FAAH2: variants seen among roughly 807,000 people sequenced by gnomAD.
The protein encoded by FAAH2 is fatty-acid amide hydrolase 2.
Under a neutral mutation model 36.9 loss-of-function variants are expected in FAAH2, and 60 were observed. The observed-to-expected ratio is 1.63, with a 90% CI of 1.32 to 2.02. The LOEUF is 2.02. FAAH2 is among the 30% of genes most tolerant of loss of function. The pLI, the probability that FAAH2 is intolerant of heterozygous loss-of-function variation, is 0.00. For missense variants in FAAH2, 689 were observed against 397.5 expected (o/e 1.73, Z -6.23); for synonymous variants, 214 against 143.8 (o/e 1.49, Z -3.49).
the FAAH2 span, among the ~76,000 whole-genome samples, chrX:57,278,545 A>G: frequency 2.7e-5 from 3 of 111,681 alleles, no homozygotes; most frequent in African/African-American, 9.8e-5. Flanking sequence ...CTAAAACACC[A>G]AAAGCAATGG....
At chrX:57,418,837 A>C (rs1260319906) in intron 7 of FAAH2, among the ~76,000 whole-genome samples, 1 of 106,274 alleles carries the variant, frequency 9.4e-6, no homozygotes, top group Non-Finnish European at 1.9e-5. Flanking sequence ...GTCATTTAGC[A>C]TTAGGTATAT....
chrX:57,320,467 A>T (rs2052987302), intron 3 of FAAH2, among the ~76,000 whole-genome samples: 1 of 112,601 alleles, frequency 8.9e-6, no homozygotes, highest in African/African-American at 3.2e-5. Context: ...AACCACAATG[A>T]GATACCATCA....
chrX:57,248,468 T>C, the FAAH2 span, among the ~76,000 whole-genome samples: 1 of 111,380 alleles, frequency 9.0e-6, no homozygotes, highest in Non-Finnish European at 1.9e-5. Flanking sequence ...AATCTAATAA[T>C]GTGGGCCAGG....
chrX:57,248,682 G>A, the FAAH2 span, among the ~76,000 whole-genome samples: 9 of 103,151 alleles, frequency 8.7e-5, no homozygotes, highest in Admixed American at 5.3e-4. Flanking sequence ...GAACCCGGGA[G>A]GCGGAGTTTA....
the FAAH2 span, among the ~76,000 whole-genome samples, chrX:57,272,620 G>T: frequency 1.8e-5 from 2 of 111,917 alleles, no homozygotes; most frequent in African/African-American, 6.5e-5. Context: ...TCAAAGAAAA[G>T]AATTTTCAAA....
chrX:57,394,115 C>A, intron 7 of FAAH2: 1 of 721,580 alleles, frequency 1.4e-6, no homozygotes, highest in Non-Finnish European at 2.2e-6. Flanking sequence ...ATGGATGTCA[C>A]CTGTGAGGTG....
At chrX:57,166,268 G>A in the FAAH2 span, among the ~76,000 whole-genome samples, 1 of 111,284 alleles carries the variant, frequency 9.0e-6, no homozygotes, top group African/African-American at 3.3e-5. Context: ...AAGCCCATGT[G>A]GGATCCGATT....
the FAAH2 span, among the ~76,000 whole-genome samples, chrX:57,245,668 T>C: frequency 8.9e-6 from 1 of 112,297 alleles, no homozygotes; most frequent in African/African-American, 3.2e-5. Flanking sequence ...AATAAGTTAT[T>C]TGAAACCAAT....
At chrX:57,402,274 T>C (rs1200386995) in intron 7 of FAAH2, among the ~76,000 whole-genome samples, 3 of 111,970 alleles carry the variant, frequency 2.7e-5, no homozygotes, top group African/African-American at 9.7e-5. Flanking sequence ...GGGGGCAGCT[T>C]ATTTCTACTC....
chrX:57,155,760 T>C, the FAAH2 span, among the ~76,000 whole-genome samples: 2 of 112,170 alleles, frequency 1.8e-5, no homozygotes, highest in African/African-American at 6.5e-5. Context: ...CTGTGATCTT[T>C]TCCCAGTTCC....
chrX:57,398,753 C>T (rs1484308523), intron 7 of FAAH2, among the ~76,000 whole-genome samples: 2 of 111,396 alleles, frequency 1.8e-5, no homozygotes, highest in Non-Finnish European at 3.8e-5. Flanking sequence ...TTAGTGAGCT[C>T]TCTTTACTAG....
At chrX:57,269,712 GAC>G in the FAAH2 span, among the ~76,000 whole-genome samples, 1 of 111,714 alleles carries the variant, frequency 9.0e-6, no homozygotes, top group Admixed American at 9.5e-5. Flanking sequence ...GAATCTCTGA[GAC>G]ACAGCTAAGG....
chrX:57,445,133 A>G (rs932864484), intron 8 of FAAH2, among the ~76,000 whole-genome samples: 1 of 111,516 alleles, frequency 9.0e-6, no homozygotes, highest in Non-Finnish European at 1.9e-5. Flanking sequence ...TTATTGAAAG[A>G]CTTCCCGTGT....
chrX:57,227,332 A>C, the FAAH2 span, among the ~76,000 whole-genome samples: 2 of 111,210 alleles, frequency 1.8e-5, no homozygotes, highest in Non-Finnish European at 3.8e-5. Context: ...ATATTTTCCC[A>C]CAGGCTGTTC....
chrX:57,465,753 C>T (rs1247054396), intron 10 of FAAH2, among the ~76,000 whole-genome samples: 1 of 110,616 alleles, frequency 9.0e-6, no homozygotes, highest in Non-Finnish European at 1.9e-5. Flanking sequence ...AATCAAGGAG[C>T]TCTGGTGAAG....
chrX:57,416,189 G>T (rs768949112), intron 7 of FAAH2, among the ~76,000 whole-genome samples: 1 of 111,361 alleles, frequency 9.0e-6, no homozygotes, highest in African/African-American at 3.3e-5. Flanking sequence ...CAATTTGCCA[G>T]TCTGTGTCTT....
chrX:57,280,511 A>G, the FAAH2 span, among the ~76,000 whole-genome samples: 1 of 98,981 alleles, frequency 1.0e-5, no homozygotes, highest in Non-Finnish European at 2.0e-5. Flanking sequence ...CTATCACTTT[A>G]CACCTATTAG....
chrX:57,300,612 A>T (rs1253981418), intron 2 of FAAH2, among the ~76,000 whole-genome samples: 1 of 111,940 alleles, frequency 8.9e-6, no homozygotes, highest in Non-Finnish European at 1.9e-5. Flanking sequence ...GACAAATGGG[A>T]TCTAATTAAG....
At chrX:57,138,324 C>T in the FAAH2 span, among the ~76,000 whole-genome samples, 29 of 110,501 alleles carry the variant, frequency 2.6e-4, no homozygotes, top group East Asian at 7.6e-3. Context: ...GGACAACAAA[C>T]CAAATGGGTG....
Sources: allele counts gnomAD v4.1 joint callset (sites outside exome capture counted in the v4.1 genomes callset), GRCh38; gene constraint gnomAD v4.1.1; transcripts MANE v1.5; gene names NCBI Gene and HGNC (gene_info 2026-07-23, HGNC 2026-07-21).